AGA: variants seen among roughly 807,000 people sequenced by gnomAD.
AGA encodes N(4)-(beta-N-acetylglucosaminyl)-L-asparaginase.
A neutral mutation model predicts 40.1 loss-of-function variants in AGA; 31 were observed. The observed-to-expected ratio is 0.77, with a 90% CI of 0.58 to 1.04. AGA has a LOEUF of 1.04. Ranked by LOEUF, AGA falls within the 50% of genes least tolerant of loss-of-function variation. The pLI is 0.00. For missense variants in AGA, 445 were observed against 435.4 expected (o/e 1.02, Z -0.20); for synonymous variants, 148 against 144.0 (o/e 1.03, Z -0.20).
At position 177,439,905 on chromosome 4, in the gene AGA, C is replaced by T. The variant is rs930197641; in HGVS notation, c.282-217G>A. On this transcript the variant is annotated intron_variant, in intron 2 of 8. Coordinates refer to ENST00000264595, the MANE Select transcript of AGA (RefSeq NM_000027.4). ...CAACTTGCCATGTACCACAACAGCA[C>T]TAAAATTCTCAGTTTCTCCAAGCTA... 7 of 598,852 alleles carry T rather than the reference C, an allele frequency of 1.2e-5. 1 individual carries two copies. The highest frequency in any genetic ancestry group is 1.0e-4 in the South Asian group (5 of 49,778). 37.1% of individuals were successfully genotyped at this position (598,852 alleles called of 1,614,324 possible).
Position 177,431,749 on chromosome 4 carries a change from C to T in AGA, c.1000G>A (p.Glu334Lys), listed in dbSNP as rs763615962. 3.4e-5 allele frequency: 55 copies of T among 1,613,566 alleles called. No individual in the cohort carries two copies. Among genetic ancestry groups the T allele is most frequent in the East Asian group, 8.9e-5 (4 of 44,854 alleles). The part of the protein sequence containing the change: ...TQFSFMVYNS[E>K]KNQPTEEKVD... ...TTTTCCTCAGTTGGCTGATTTTTTT[C>T]GGAATTATAAACCATGAAACTAAAC... The change falls in exon 9 of 9, where the codon GAA becomes AAA. Residue 334 changes from glutamate to lysine, a missense_variant. Physicochemically the swap from Glu to Lys is moderately conservative, Grantham distance 56. Transcript: ENST00000264595.
chr4:177,434,724 CACAGAA>C (rs991608321), intron 6 of AGA, among the ~76,000 whole-genome samples: 2 of 152,004 alleles, frequency 1.3e-5, no homozygotes, highest in African/African-American at 4.8e-5. Context: ...CAGCTGAACT[CACAGAA>C]ACAGAGACTA....
chr4:177,434,568 A>T, intron 6 of AGA, 79 bp from the exon 7 acceptor site: 1 of 1,177,532 alleles, frequency 8.5e-7, no homozygotes, highest in Non-Finnish European at 1.3e-6. Flanking sequence ...CAAATAAGGG[A>T]TAGTTCCACT....
rs1246565561 is a variant in AGA at position 177,433,227 on chromosome 4, C to T, written c.927G>A (p.Val309=). The T allele has an allele frequency of 6.2e-7, 1 of 1,614,092 alleles. No homozygotes were observed. Among genetic ancestry groups the T allele is most frequent in the Non-Finnish European group, 8.5e-7 (1 of 1,179,990 alleles). ...EFFGAVICAN[V]TGSYGAACNK... is the part of the protein sequence containing the mutation. ...AACACAACTTACCGTAACTTCCAGT[C>T]ACATTGGCACATATAACAGCCCCAA... The change falls in exon 8 of 9, where the codon GTG becomes GTA. Residue 309 remains valine (V), a synonymous_variant. Coordinates refer to ENST00000264595, the MANE Select transcript of AGA (RefSeq NM_000027.4).
In AGA at chr4:177,432,411, A is replaced by C. The variant is rs575379644; in HGVS notation, c.941-603T>G. 2.6e-5 allele frequency among the ~76,000 whole-genome samples: 4 copies of C among 152,276 alleles called. No homozygotes were observed. In the South Asian group the frequency reaches 8.3e-4, roughly 32 times the overall value. On this transcript the variant is annotated intron_variant, in intron 8 of 8. Transcript: ENST00000264595. The stretch of plus-strand genomic sequence containing the variant: ...AAATCCAACTTTGAGCTTTCTAATA[A>C]GGTTTATTTCTTAAGAGGGAATCAA...
In AGA at chr4:177,440,256, C is replaced by A; in HGVS notation, c.281+17G>T. 1 of 1,613,712 alleles carries A rather than the reference C, an allele frequency of 6.2e-7. No individual in the cohort carries two copies. The highest frequency in any genetic ancestry group is 8.5e-7 in the Non-Finnish European group (1 of 1,179,872). ...TGTAACTCAACATAATAAATAGGACCTGAACGGTGTTCTTACCCATCCATG... is the reference window on the plus strand; with the variant it reads ...TGTAACTCAACATAATAAATAGGACATGAACGGTGTTCTTACCCATCCATG... On this transcript the variant is annotated intron_variant, in intron 2 of 8. Transcript: ENST00000264595.
chr4:177,437,191 G>A (rs866533538), intron 5 of AGA: 58 of 505,466 alleles, frequency 1.1e-4, no homozygotes, highest in South Asian at 1.1e-3. Flanking sequence ...TTAAAAATCC[G>A]CAAGTGAATA....
chr4:177,438,813 A>T lies in AGA; in HGVS notation c.439T>A (p.Ser147Thr), dbSNP rs386833428. 6.2e-7 allele frequency: 1 copy of T among 1,610,508 alleles called. No homozygotes were observed. The highest frequency in any genetic ancestry group is 1.3e-5 in the African/African-American group (1 of 74,886). ...TGAAGAGCTTGAGAAGCAGTGGTAG[A>T]TAAGTCTTCATTGATAAACCCCATA... is the stretch of plus-strand genomic sequence containing the variant. ...QSMGFINEDLSTTASQALHSD... is the reference protein window; with the variant it reads ...QSMGFINEDLTTTASQALHSD... Residue 147 changes from serine to threonine, a missense_variant, in exon 4 of 9, where the codon TCT (serine) becomes ACT (threonine). Ser to Thr is a moderately conservative substitution (Grantham distance 58, BLOSUM62 1). Coordinates refer to ENST00000264595, the MANE Select transcript of AGA (RefSeq NM_000027.4).
intron 5 of AGA, 101 bp from the exon 6 acceptor site, chr4:177,436,452 T>C (rs1736823558): frequency 1.0e-6 from 1 of 973,192 alleles, no homozygotes; most frequent in Non-Finnish European, 1.6e-6. Flanking sequence ...CTCTGAATGT[T>C]TGTGTTCCCC....
At position 177,434,943 on chromosome 4, in the gene AGA, A is replaced by AG. The variant is rs201636761; in HGVS notation, c.699-455dup. Among the ~76,000 whole-genome samples, 878 of 151,792 alleles carry AG rather than the reference A, an allele frequency of 5.8e-3. 6 individuals are homozygous for AG. The highest frequency in any genetic ancestry group is 7.0e-3 in the Non-Finnish European group (478 of 67,940). ...AGACAGGAGTCTTGCTCTGTCACCCAGCTGGAGTGCAATGGCATTGATCTT... is the reference window on the plus strand; with the variant it reads ...AGACAGGAGTCTTGCTCTGTCACCCAGGCTGGAGTGCAATGGCATTGATCTT... On this transcript the variant is annotated intron_variant, in intron 6 of 8. Transcript: ENST00000264595.
chr4:177,436,384 G>T, intron 5 of AGA, 33 bp from the exon 6 acceptor site: 2 of 1,560,422 alleles, frequency 1.3e-6, no homozygotes. Flanking sequence ...CACTGTAGGT[G>T]TATAAAGTTT....
Position 177,431,373 on chromosome 4 carries a change from A to G in AGA, c.*335T>C, listed in dbSNP as rs1334837100. ...CTATTTTAAGCATCCAAATATGATG[A>G]TTCCTTTTGGGTTTAATATATCACT... On this transcript the variant is annotated 3_prime_UTR_variant, in exon 9 of 9. Coordinates refer to ENST00000264595, the MANE Select transcript of AGA (RefSeq NM_000027.4). 2 of 441,164 alleles carry G rather than the reference A, an allele frequency of 4.5e-6. No individual in the cohort carries two copies. The highest frequency in any genetic ancestry group is 4.1e-5 in the African/African-American group (2 of 49,038). The allele number at this position is 441,164 out of a possible 1,614,324, so 27.3% of individuals were successfully genotyped here. A position where few individuals can be genotyped will look rare whatever the true frequency, so the allele number is the denominator to read the frequency against.
intron 1 of AGA, 140 bp downstream of exon 1, chr4:177,442,109 C>G: frequency 7.8e-7 from 1 of 1,280,760 alleles, no homozygotes; most frequent in Non-Finnish European, 1.1e-6. Flanking sequence ...TCGGGAAGAC[C>G]TAGAGGGCGG....
chr4:177,442,146 G>T, intron 1 of AGA, 103 bp downstream of exon 1: 1 of 1,532,732 alleles, frequency 6.5e-7, no homozygotes, highest in Non-Finnish European at 8.9e-7. Flanking sequence ...CCAGCCCGGC[G>T]CTCTTCCGTC....
intron 1 of AGA, among the ~76,000 whole-genome samples, chr4:177,441,732 T>C (rs901577419): frequency 6.6e-6 from 1 of 152,020 alleles, no homozygotes; most frequent in African/African-American, 2.4e-5. Flanking sequence ...CCAGATAGTG[T>C]GAATGTACAG....
At chr4:177,434,305 A>C in intron 7 of AGA, 77 bp downstream of exon 7, 1 of 1,419,042 alleles carries the variant, frequency 7.0e-7, no homozygotes, top group South Asian at 1.1e-5. Flanking sequence ...ACCCAGCCTC[A>C]AAAATTATTT....
In AGA at chr4:177,431,539, TAATAC is replaced by T; in HGVS notation, c.*164_*168del. 1.5e-6 allele frequency: 1 copy of T among 681,694 alleles called. No individual in the cohort carries two copies. Among genetic ancestry groups the T allele is most frequent in the Non-Finnish European group, 2.7e-6 (1 of 377,340 alleles). 42.2% of individuals were successfully genotyped at this position (681,694 alleles called of 1,614,324 possible). A position where few individuals can be genotyped will look rare whatever the true frequency, so the allele number is the denominator to read the frequency against. ...ATAAGAAAGGTTAAATAAAAATAGA[TAATAC>T]AATTTCAGATATAGAAAGTGCCAAT... On this transcript the variant is annotated 3_prime_UTR_variant, in exon 9 of 9. Transcript: ENST00000264595.
intron 7 of AGA, among the ~76,000 whole-genome samples, chr4:177,433,796 T>A (rs1489915640): frequency 1.3e-5 from 2 of 152,086 alleles, no homozygotes; most frequent in Non-Finnish European, 2.9e-5. Context: ...CTCAGTAGCT[T>A]TACATCAATT....
chr4:177,441,541 G>A lies in AGA; in HGVS notation c.127+708C>T, dbSNP rs576507547. The stretch of plus-strand genomic sequence containing the variant: ...GAACCTAACTCATTCTGGACACGAG[G>A]GCAGTTAAGTCAGGGAACGCTTCCT... On this transcript the variant is annotated intron_variant, in intron 1 of 8. Transcript: ENST00000264595. Among the ~76,000 whole-genome samples, 4 of 152,262 alleles carry A rather than the reference G, an allele frequency of 2.6e-5. No individual in the cohort carries two copies. In the East Asian group the frequency reaches 5.8e-4, roughly 22 times the overall value.
Sources: allele counts gnomAD v4.1 joint callset (sites outside exome capture counted in the v4.1 genomes callset), GRCh38; gene constraint gnomAD v4.1.1; transcripts MANE v1.5; gene names NCBI Gene and HGNC (gene_info 2026-07-23, HGNC 2026-07-21).